Variants in YTHDC1 observed in about 807,000 individuals in gnomAD.
YTHDC1 encodes YTH domain-containing protein 1.
A neutral mutation model predicts 107.0 loss-of-function variants in YTHDC1; 12 were observed. That is an observed-to-expected ratio of 0.11 (90% CI 0.07 to 0.18). YTHDC1 has a LOEUF of 0.18. Among genes scored for constraint, YTHDC1 ranks in the 10% least tolerant of loss-of-function variants. The pLI, the probability that YTHDC1 is intolerant of heterozygous loss-of-function variation, is 1.00. For missense variants in YTHDC1, 635 were observed against 898.8 expected (o/e 0.71, Z 3.75); for synonymous variants, 280 against 289.5 (o/e 0.97, Z 0.33).
intron 1 of YTHDC1, chr4:68,344,176 ATTACTACC>A (rs1725157864): frequency 6.6e-6 from 1 of 151,528 alleles, no homozygotes; most frequent in South Asian, 2.1e-4. Context: ...GTGAATCAGT[ATTACTACC>A]TGAACAAAGA....
At chr4:68,336,919 C>A (rs1724228510) in intron 4 of YTHDC1, 108 bp downstream of exon 4, 1 of 1,379,378 alleles carries the variant, frequency 7.2e-7, no homozygotes, top group Non-Finnish European at 9.7e-7. Flanking sequence ...ACAAGACAAT[C>A]CTATTAATAT....
chr4:68,314,248 G>T lies in YTHDC1; in HGVS notation c.2035C>A (p.Arg679Ser). 1 of 1,613,816 alleles carries T rather than the reference G, an allele frequency of 6.2e-7. No individual in the cohort carries two copies. The highest frequency in any genetic ancestry group is 1.7e-5 in the Admixed American group (1 of 59,960). ...CGCTCTCGTTCCCGGTCTCTTTCAC[G>T]GGGTCTACTTCTCCGGCCACTGACA... ...AVVSGRRSRP[R>S]ERDRERERDR... Residue 679 changes from arginine to serine, a missense_variant, in exon 17 of 17, where the codon CGT becomes AGT. By Grantham distance (110) the Arg-to-Ser change is moderately radical (BLOSUM62 -1). Transcript: ENST00000344157.
rs1169543732 is a variant in YTHDC1, at chr4:68,337,866, A to G, written c.165T>C (p.Thr55=). 3.1e-6 allele frequency: 5 copies of G among 1,613,602 alleles called. No individual in the cohort carries two copies. The highest frequency in any genetic ancestry group is 2.2e-5 in the East Asian group (1 of 44,870). Residue 55 remains threonine (T), a synonymous_variant, in exon 3 of 17, where the codon ACT becomes ACC. Transcript: ENST00000344157. ...SKRKSDRMES[T]DTKRQKPSVH... ...CAGAAGGCTTTTGTCGTTTGGTATC[A>G]GTAGATTCCATTCGATCACTTTTTC...
chr4:68,314,044 A>T lies in YTHDC1; in HGVS notation c.*55T>A. On this transcript the variant is annotated 3_prime_UTR_variant, in exon 17 of 17. Coordinates refer to ENST00000344157, the MANE Select transcript of YTHDC1 (RefSeq NM_001031732.4). ...ATTTACTACTTGTAAACACACACAA[A>T]AAAAAAATACAAGATTTTTTGTATC... 6.4e-7 allele frequency: 1 copy of T among 1,572,552 alleles called. No homozygotes were observed. The highest frequency in any genetic ancestry group is 8.7e-7 in the Non-Finnish European group (1 of 1,154,352).
chr4:68,348,670 A>T (rs1425128414), intron 1 of YTHDC1, among the ~76,000 whole-genome samples: 1 of 152,208 alleles, frequency 6.6e-6, no homozygotes, highest in Non-Finnish European at 1.5e-5. Flanking sequence ...CTCCTGATGC[A>T]GAAACCAGAA....
At chr4:68,317,982 A>G (rs936396619) in intron 15 of YTHDC1, among the ~76,000 whole-genome samples, 1 of 152,226 alleles carries the variant, frequency 6.6e-6, no homozygotes, top group African/African-American at 2.4e-5. Flanking sequence ...CGGACTTTGC[A>G]CTACTAATTA....
chr4:68,312,795 TG>T lies in YTHDC1; in HGVS notation c.*1303del, dbSNP rs1721403060. The T allele has an allele frequency of 6.6e-6, 1 of 152,248 alleles. No homozygotes were observed. Among genetic ancestry groups the T allele is most frequent in the Non-Finnish European group, 1.5e-5 (1 of 68,038 alleles). 9.4% of individuals were successfully genotyped at this position (152,248 alleles called of 1,614,324 possible). A position where few individuals can be genotyped will look rare whatever the true frequency, so the allele number is the denominator to read the frequency against. ...AAATCAAACATTCAAATATTCCTAA[TG>T]TTTATAAAGGCCAAATTCCAAAGGC... On this transcript the variant is annotated 3_prime_UTR_variant, in exon 17 of 17. Coordinates refer to ENST00000344157, the MANE Select transcript of YTHDC1 (RefSeq NM_001031732.4).
chr4:68,346,099 A>ATATATATATATATATATATG (rs961023477), intron 1 of YTHDC1, among the ~76,000 whole-genome samples: 8 of 141,456 alleles, frequency 5.7e-5, no homozygotes, highest in African/African-American at 2.2e-4. Flanking sequence ...ATATATATAT[A>ATATATATATATATATATATG]TACACACACA....
At chr4:68,333,464 A>G (rs1723815542) in intron 4 of YTHDC1, 67 bp from the exon 5 acceptor site, 2 of 1,155,034 alleles carry the variant, frequency 1.7e-6, no homozygotes. Context: ...TCAAACAAGA[A>G]TGTATCATTA....
intron 1 of YTHDC1, 53 bp downstream of exon 1, chr4:68,349,673 C>G (rs1158196483): frequency 1.6e-6 from 2 of 1,289,672 alleles, no homozygotes; most frequent in East Asian, 4.6e-5. Context: ...GCTCCATCAC[C>G]CCACTCCCGG....
At chr4:68,335,597 AC>A (rs1246764961) in intron 4 of YTHDC1, among the ~76,000 whole-genome samples, 1 of 152,126 alleles carries the variant, frequency 6.6e-6, no homozygotes, top group African/African-American at 2.4e-5. Flanking sequence ...AACAATACAA[AC>A]ATTAAAGTCT....
Position 68,337,612 on chromosome 4 carries a change from G to C in YTHDC1, c.419C>G (p.Pro140Arg). The C allele has an allele frequency of 6.2e-7, 1 of 1,612,278 alleles. No individual in the cohort carries two copies. The highest frequency in any genetic ancestry group is 1.1e-5 in the South Asian group (1 of 90,718). Residue 140 changes from proline to arginine, a missense_variant, in exon 3 of 17, where the codon CCT (proline) becomes CGT (arginine). By Grantham distance (103) the Pro-to-Arg change is moderately radical. Coordinates refer to ENST00000344157, the MANE Select transcript of YTHDC1 (RefSeq NM_001031732.4). ...PEKTCVRKRD[P>R]ERRAKSPTPD... The stretch of plus-strand genomic sequence containing the variant: ...CGTAGGAGATTTGGCCCTCCTTTCA[G>C]GATCCCTTTTCCGGACACAGGTTTT...
chr4:68,328,392 CTT>C (rs1723218178), intron 9 of YTHDC1, among the ~76,000 whole-genome samples: 1 of 152,244 alleles, frequency 6.6e-6, no homozygotes, highest in African/African-American at 2.4e-5. Flanking sequence ...TTAATTATAA[CTT>C]AATTATAATT....
intron 10 of YTHDC1, among the ~76,000 whole-genome samples, chr4:68,323,689 T>G (rs1020311666): frequency 2.6e-5 from 4 of 152,250 alleles, no homozygotes; most frequent in African/African-American, 4.8e-5. Context: ...AAGAAAGGTT[T>G]TGGTTAATTT....
chr4:68,349,631 A>ACCCCCC, intron 1 of YTHDC1, 95 bp downstream of exon 1: 3 of 258,546 alleles, frequency 1.2e-5, no homozygotes, highest in South Asian at 3.0e-5. Flanking sequence ...AACCTCCCCA[A>ACCCCCC]CCCCCACCCC....
At chr4:68,316,531 C>G in intron 15 of YTHDC1, 83 bp from the exon 16 acceptor site, 1 of 1,487,208 alleles carries the variant, frequency 6.7e-7, no homozygotes, top group East Asian at 2.3e-5. Flanking sequence ...ATCCAAAACA[C>G]CAATCCCAAA....
At chr4:68,315,653 C>T (rs1292286329) in intron 16 of YTHDC1, among the ~76,000 whole-genome samples, 1 of 152,042 alleles carries the variant, frequency 6.6e-6, no homozygotes, top group Non-Finnish European at 1.5e-5. Flanking sequence ...ATAAACTCAG[C>T]CCCACTAGTT....
Position 68,322,729 on chromosome 4 carries a change from G to C in YTHDC1, c.1601+20C>G, listed in dbSNP as rs199666986. The C allele has an allele frequency of 1.1e-5, 18 of 1,612,878 alleles. No homozygotes were observed. Among genetic ancestry groups the C allele is most frequent in the South Asian group, 1.1e-5 (1 of 90,980 alleles). On this transcript the variant is annotated intron_variant, in intron 11 of 16. Transcript: ENST00000344157. This position sits in a 1 kb window ranked among gnomAD's most constrained non-coding sequence, Gnocchi z 4.8. ...ATTCTGATACATGTGCCTATTATCA[G>C]TCCAAAGAACGTTTCTAACCTTCCC...
At chr4:68,328,059 A>G (rs998932320) in intron 9 of YTHDC1, among the ~76,000 whole-genome samples, 3 of 152,242 alleles carry the variant, frequency 2.0e-5, no homozygotes, top group Admixed American at 6.5e-5. Context: ...CATTTCAAAC[A>G]AATTAGTAGA....
Sources: gnomAD v4.1 joint callset for allele counts (sites outside exome capture counted in the v4.1 genomes callset) on GRCh38, gnomAD v4.1.1 for gene constraint, Gnocchi (gnomAD v3.1) non-coding constraint, MANE v1.5 for transcripts, NCBI Gene and HGNC (gene_info 2026-07-23, HGNC 2026-07-21) for gene names.